The following SYT1 variants were observed in gnomAD, a reference collection of about 807,000 sequenced individuals.
The protein encoded by SYT1 is synaptotagmin-1.
Under a neutral mutation model 44.8 loss-of-function variants are expected in SYT1, and 8 were observed. The ratio of observed to expected loss-of-function variants is 0.18; its 90% CI spans 0.10 to 0.32. SYT1 has a LOEUF of 0.32. Ranked by LOEUF, SYT1 falls within the 10% of genes least tolerant of loss-of-function variation. SYT1 has a pLI of 1.00. For synonymous variants in SYT1, 154 were observed against 188.8 expected (o/e 0.82, Z 1.51); for missense variants, 286 against 509.3 (o/e 0.56, Z 4.22).
chr12:79,142,825 G>A lies in SYT1; in HGVS notation c.-17-74678G>A, dbSNP rs564735043. ...AATATGCTTGTGTATGAGTCCTCCA[G>A]TGTTCTGAACCAGAGAATAGTTTCT... On this transcript the variant is annotated intron_variant, in intron 3 of 10. Coordinates refer to ENST00000261205, the MANE Select transcript of SYT1 (RefSeq NM_005639.3). Among the ~76,000 whole-genome samples, 3 of 152,274 alleles carry A rather than the reference G, an allele frequency of 2.0e-5. No homozygotes were observed. The South Asian group carries it at 6.2e-4, about 32-fold the overall frequency.
chr12:78,883,112 C>G (rs1874546159), intron 1 of SYT1, among the ~76,000 whole-genome samples: 1 of 151,610 alleles, frequency 6.6e-6, no homozygotes, highest in South Asian at 2.1e-4. Flanking sequence ...CTCTGAGATT[C>G]TATGTGTGTA....
At chr12:79,131,915 A>G (rs1422179799) in intron 3 of SYT1, among the ~76,000 whole-genome samples, 1 of 152,220 alleles carries the variant, frequency 6.6e-6, no homozygotes, top group Non-Finnish European at 1.5e-5. Context: ...GAAGTTAGCT[A>G]TACATGTATG....
chr12:79,182,771 A>G (rs914636509), intron 3 of SYT1, among the ~76,000 whole-genome samples: 1 of 152,110 alleles, frequency 6.6e-6, no homozygotes, highest in Non-Finnish European at 1.5e-5. Flanking sequence ...AGCAAATTGC[A>G]TAATATTAGT....
At chr12:78,875,760 A>G (rs1392756376) in intron 1 of SYT1, among the ~76,000 whole-genome samples, 2 of 151,720 alleles carry the variant, frequency 1.3e-5, no homozygotes, top group Non-Finnish European at 2.9e-5. Flanking sequence ...TATGGCGACA[A>G]TCATAGAATA....
intron 2 of SYT1, among the ~76,000 whole-genome samples, chr12:79,035,793 G>A (rs1873091949): frequency 6.6e-6 from 1 of 151,702 alleles, no homozygotes; most frequent in African/African-American, 2.4e-5. Context: ...AAGGAAACTT[G>A]AAGCTGTAGC....
At chr12:79,226,451 T>C (rs1004374846) in intron 4 of SYT1, among the ~76,000 whole-genome samples, 3 of 152,164 alleles carry the variant, frequency 2.0e-5, no homozygotes, top group African/African-American at 7.2e-5. Flanking sequence ...TGTCCCTCTA[T>C]TGGGCACTGG....
chr12:79,101,891 G>A (rs991921535), intron 3 of SYT1, among the ~76,000 whole-genome samples: 2 of 151,982 alleles, frequency 1.3e-5, no homozygotes, highest in African/African-American at 4.8e-5. Flanking sequence ...AGGTGACAGA[G>A]TGAAACACTT....
At chr12:78,931,125 G>A (rs1487034870) in intron 1 of SYT1, among the ~76,000 whole-genome samples, 3 of 147,550 alleles carry the variant, frequency 2.0e-5, no homozygotes, top group Admixed American at 1.4e-4. Context: ...TCGCACCACT[G>A]CACTCCAGTC....
chr12:79,179,205 TATA>T, intron 3 of SYT1, among the ~76,000 whole-genome samples: 1 of 48,758 alleles, frequency 2.1e-5, no homozygotes, highest in Non-Finnish European at 3.3e-5. Context: ...GATATATAGA[TATA>T]GATATAGATA....
At chr12:79,230,888 A>C (rs1009912010) in intron 4 of SYT1, among the ~76,000 whole-genome samples, 2 of 152,222 alleles carry the variant, frequency 1.3e-5, no homozygotes, top group African/African-American at 4.8e-5. Flanking sequence ...TTGGACCTAT[A>C]TCCAAAATAA....
chr12:79,310,730 C>T lies in SYT1; in HGVS notation c.810+11179C>T, dbSNP rs919525083. ...TAGTTCTCCTTGAAGAGGTCCTTCACGTCCCTCGTAAGTTGGATTCCTAGG... is the reference window on the plus strand; with the variant it reads ...TAGTTCTCCTTGAAGAGGTCCTTCATGTCCCTCGTAAGTTGGATTCCTAGG... On this transcript the variant is annotated intron_variant, in intron 8 of 10. Transcript: ENST00000261205. Among the ~76,000 whole-genome samples the T allele has an allele frequency of 1.2e-4, 18 of 152,318 alleles. 1 individual carries two copies. The highest frequency in any genetic ancestry group is 6.5e-4 in the Admixed American group (10 of 15,306).
intron 3 of SYT1, among the ~76,000 whole-genome samples, chr12:79,081,774 T>G (rs1877051029): frequency 6.6e-6 from 1 of 152,120 alleles, no homozygotes; most frequent in African/African-American, 2.4e-5. Flanking sequence ...CTTCTTCCTA[T>G]CAAATTTAAA....
chr12:78,929,710 G>A (rs1360671208), intron 1 of SYT1, among the ~76,000 whole-genome samples: 1 of 152,076 alleles, frequency 6.6e-6, no homozygotes, highest in African/African-American at 2.4e-5. Flanking sequence ...TATTCCTTCT[G>A]AGCCTCAGTA....
chr12:78,974,529 C>T (rs1283594829), intron 1 of SYT1, among the ~76,000 whole-genome samples: 2 of 151,894 alleles, frequency 1.3e-5, no homozygotes, highest in African/African-American at 2.4e-5. Context: ...CTCTGCCTCC[C>T]GGGTTCACGC....
rs1321498665 is a variant in SYT1 at position 79,329,066 on chromosome 12, G to A, written c.811-24436G>A. Among the ~76,000 whole-genome samples the A allele has an allele frequency of 2.0e-5, 3 of 152,032 alleles. 1 individual carries two copies. The highest frequency in any genetic ancestry group is 6.3e-3 in the Middle Eastern group (2 of 316). Reference sequence around the variant, plus strand: ...GTATAACAAACCGCTACAATCATCCGCTCTTTATTGTGCTGATCCAAGCTC... The same window carrying A: ...GTATAACAAACCGCTACAATCATCCACTCTTTATTGTGCTGATCCAAGCTC... On this transcript the variant is annotated intron_variant, in intron 8 of 10. Transcript: ENST00000261205.
intron 4 of SYT1, among the ~76,000 whole-genome samples, chr12:79,235,598 C>A (rs1378422998): frequency 6.7e-6 from 1 of 148,716 alleles, no homozygotes; most frequent in Non-Finnish European, 1.5e-5. Flanking sequence ...ATATTCATTT[C>A]ATATATAGAT....
At chr12:79,234,991 G>A (rs1876103712) in intron 4 of SYT1, among the ~76,000 whole-genome samples, 1 of 152,142 alleles carries the variant, frequency 6.6e-6, no homozygotes, top group South Asian at 2.1e-4. Context: ...TTACAGGCGT[G>A]AGCCACTGCG....
chr12:79,283,370 A>G (rs1197325948), intron 4 of SYT1, among the ~76,000 whole-genome samples: 1 of 152,182 alleles, frequency 6.6e-6, no homozygotes, highest in Non-Finnish European at 1.5e-5. Context: ...AAGTTGCATT[A>G]TTTCAAATTT....
chr12:79,336,626 C>T (rs567077037), intron 8 of SYT1, among the ~76,000 whole-genome samples: 4 of 152,070 alleles, frequency 2.6e-5, no homozygotes, highest in Admixed American at 2.0e-4. Context: ...CCTAACACTG[C>T]ACTCATTCAT....
Sources: gnomAD v4.1 joint callset for allele counts (sites outside exome capture counted in the v4.1 genomes callset) on GRCh38, gnomAD v4.1.1 for gene constraint, MANE v1.5 for transcripts, NCBI Gene and HGNC (gene_info 2026-07-23, HGNC 2026-07-21) for gene names.